UTRN: variants seen among roughly 807,000 people sequenced by gnomAD.
The protein encoded by UTRN is utrophin.
A neutral mutation model predicts 463.9 loss-of-function variants in UTRN; 283 were observed. The ratio of observed to expected loss-of-function variants is 0.61; its 90% confidence interval spans 0.55 to 0.67. UTRN has a LOEUF of 0.67. Among genes scored for constraint, UTRN ranks in the 30% least tolerant of loss-of-function variants. The pLI is 0.00. For synonymous variants in UTRN, 1,442 were observed against 1,431.5 expected (o/e 1.01, Z -0.17); for missense variants, 3,922 against 4,084.3 (o/e 0.96, Z 1.08).
At chr6:144,372,631 A>G (rs1780099646) in intron 2 of UTRN, among the ~76,000 whole-genome samples, 1 of 151,790 alleles carries the variant, frequency 6.6e-6, no homozygotes. Context: ...AGTAGCTGGT[A>G]TTACAGGCAT....
At chr6:144,500,559 A>G (rs1159242211) in intron 34 of UTRN, among the ~76,000 whole-genome samples, 1 of 152,318 alleles carries the variant, frequency 6.6e-6, no homozygotes, top group South Asian at 2.1e-4. Context: ...TTTATATAGT[A>G]CTTAAAAGCC....
chr6:144,683,095 C>A (rs1197525217), intron 52 of UTRN, among the ~76,000 whole-genome samples: 4 of 152,000 alleles, frequency 2.6e-5, no homozygotes, highest in Non-Finnish European at 5.9e-5. Context: ...AACTCAAATG[C>A]CATGTTAATT....
At chr6:144,295,866 A>G (rs1189548619) in intron 2 of UTRN, among the ~76,000 whole-genome samples, 7 of 152,000 alleles carry the variant, frequency 4.6e-5, no homozygotes, top group South Asian at 2.1e-4. Context: ...ACTTCTTTCT[A>G]TTTCTCCAAA....
At chr6:144,489,794 G>A (rs2128578562) in intron 30 of UTRN, among the ~76,000 whole-genome samples, 1 of 151,792 alleles carries the variant, frequency 6.6e-6, no homozygotes, top group East Asian at 2.0e-4. Flanking sequence ...GCTAATTTTT[G>A]TATTTTTAGT....
intron 2 of UTRN, among the ~76,000 whole-genome samples, chr6:144,360,265 C>T (rs542509031): frequency 4.0e-5 from 6 of 151,892 alleles, no homozygotes; most frequent in South Asian, 2.1e-4. Flanking sequence ...CTTCACCTCA[C>T]GGGTTCAAGG....
At chr6:144,480,456 G>A (rs975633792) in intron 26 of UTRN, among the ~76,000 whole-genome samples, 1 of 152,136 alleles carries the variant, frequency 6.6e-6, no homozygotes, top group Non-Finnish European at 1.5e-5. Context: ...AGTTGTCTGA[G>A]GTTTATTCTT....
intron 17 of UTRN, among the ~76,000 whole-genome samples, chr6:144,449,272 C>T (rs1011344919): frequency 2.0e-5 from 3 of 152,160 alleles, no homozygotes; most frequent in African/African-American, 4.8e-5. Context: ...TGGACTACCC[C>T]AATAATCGAG....
In UTRN at chr6:144,462,638, T is replaced by G; in HGVS notation, c.2854-16T>G. The G allele has an allele frequency of 6.3e-7, 1 of 1,586,274 alleles. No individual in the cohort carries two copies. The highest frequency in any genetic ancestry group is 1.4e-5 in the African/African-American group (1 of 73,262). On this transcript the variant is annotated splice_polypyrimidine_tract_variant and intron_variant, in intron 22 of 74. Coordinates refer to ENST00000367545, the MANE Select transcript of UTRN (RefSeq NM_007124.3). ...CATTTTTGTGCATATTTTTAATCTT[T>G]TAAAACTTTTTCCAGACCCTTGATG...
intron 2 of UTRN, among the ~76,000 whole-genome samples, chr6:144,361,236 T>C (rs1430226636): frequency 6.6e-6 from 1 of 152,232 alleles, no homozygotes; most frequent in Non-Finnish European, 1.5e-5. Flanking sequence ...ATAGTTTGAC[T>C]CAGGGGCTTG....
intron 51 of UTRN, among the ~76,000 whole-genome samples, chr6:144,591,887 G>T (rs983751458): frequency 6.6e-6 from 1 of 152,148 alleles, no homozygotes; most frequent in Non-Finnish European, 1.5e-5. Flanking sequence ...AGTTAAAGAG[G>T]TAGAGAAAAG....
At position 144,482,127 on chromosome 6, in the gene UTRN, C is replaced by T. The variant is rs1791948883; in HGVS notation, c.3508-82C>T. The T allele has an allele frequency of 5.4e-6, 7 of 1,290,518 alleles. No homozygotes were observed. In the African/African-American group the frequency reaches 7.5e-5, roughly 14 times the overall value. The allele number at this position is 1,290,518 out of a possible 1,614,324, so 79.9% of individuals were successfully genotyped here. ...CAGATGTTTTAACTTTGGTTTAATT[C>T]TTGAAAAAAAAAGAAAGAAAAGAAA... On this transcript the variant is annotated intron_variant, in intron 26 of 74. Coordinates refer to ENST00000367545, the MANE Select transcript of UTRN (RefSeq NM_007124.3).
At chr6:144,293,397 A>G (rs1364348304) in intron 2 of UTRN, among the ~76,000 whole-genome samples, 6 of 152,198 alleles carry the variant, frequency 3.9e-5, no homozygotes, top group Non-Finnish European at 8.8e-5. Context: ...TATAATGAAC[A>G]TATAAACTCC....
At chr6:144,839,396 G>T (rs1781370931) in intron 72 of UTRN, 112 bp downstream of exon 72, 1 of 789,818 alleles carries the variant, frequency 1.3e-6, no homozygotes, top group Non-Finnish European at 2.0e-6. Context: ...GGAAGTAAAA[G>T]AGTTTTTTGT....
At chr6:144,350,206 A>G (rs1474404469) in intron 2 of UTRN, among the ~76,000 whole-genome samples, 1 of 152,158 alleles carries the variant, frequency 6.6e-6, no homozygotes, top group Admixed American at 6.5e-5. Context: ...AATTTTTAGT[A>G]ATATAGTTCA....
intron 51 of UTRN, among the ~76,000 whole-genome samples, chr6:144,590,035 T>A (rs1802860273): frequency 6.6e-6 from 1 of 151,798 alleles, no homozygotes; most frequent in Non-Finnish European, 1.5e-5. Context: ...TTTTTTGTAT[T>A]TTTTTTGTGG....
chr6:144,353,146 G>A (rs928611075), intron 2 of UTRN, among the ~76,000 whole-genome samples: 1 of 151,736 alleles, frequency 6.6e-6, no homozygotes, highest in Non-Finnish European at 1.5e-5. Context: ...TAAGAGTCTC[G>A]CTCTGTTGCC....
intron 2 of UTRN, among the ~76,000 whole-genome samples, chr6:144,382,249 G>A (rs886477365): frequency 6.6e-6 from 1 of 152,234 alleles, no homozygotes; most frequent in African/African-American, 2.4e-5. Context: ...AGGCAGTTGT[G>A]CAGGCACAGG....
chr6:144,514,048 C>A lies in UTRN; in HGVS notation c.5073+11C>A. 6.2e-7 allele frequency: 1 copy of A among 1,613,396 alleles called. No individual in the cohort carries two copies. Among genetic ancestry groups the A allele is most frequent in the Non-Finnish European group, 8.5e-7 (1 of 1,179,628 alleles). Reference sequence around the variant, plus strand: ...GAAGAAATTGTGAAGGTAGCAAACACAGACATCAGTAACGCTTTTGGGAGT... The same window carrying A: ...GAAGAAATTGTGAAGGTAGCAAACAAAGACATCAGTAACGCTTTTGGGAGT... On this transcript the variant is annotated intron_variant, in intron 36 of 74. Transcript: ENST00000367545.
At chr6:144,583,498 A>C in intron 51 of UTRN, 1 of 715,144 alleles carries the variant, frequency 1.4e-6, no homozygotes, top group South Asian at 1.5e-5. Context: ...GTAAACTTAA[A>C]ATGATGGCTG....
Sources: gnomAD v4.1 joint callset for allele counts (sites outside exome capture counted in the v4.1 genomes callset) on GRCh38, gnomAD v4.1.1 for gene constraint, MANE v1.5 for transcripts, NCBI Gene and HGNC (gene_info 2026-07-23, HGNC 2026-07-21) for gene names.